ZSCAN5A: variants seen among roughly 807,000 people sequenced by gnomAD.
ZSCAN5A encodes the protein zinc finger and SCAN domain containing 5A.
In ZSCAN5A, 12 loss-of-function variants were observed where a neutral mutation model predicts 23.7. That is an observed-to-expected ratio of 0.51 (90% CI 0.32 to 0.82). The LOEUF (loss-of-function observed/expected upper bound fraction) is 0.82. Ranked by LOEUF, ZSCAN5A falls within the 40% of genes least tolerant of loss-of-function variation. ZSCAN5A has a pLI of 0.03. For missense variants in ZSCAN5A, 597 were observed against 617.9 expected (o/e 0.97, Z 0.36); for synonymous variants, 257 against 239.9 (o/e 1.07, Z -0.66).
intron 3 of ZSCAN5A, 195 bp downstream of exon 3, chr19:56,224,467 GC>G (rs2033689851): frequency 1.2e-6 from 1 of 804,988 alleles, no homozygotes; most frequent in African/African-American, 1.8e-5. Context: ...GTTAGAGAAC[GC>G]TTAGCAGCGT....
chr19:56,247,886 T>C (rs1030312271), intron 2 of ZSCAN5A, among the ~76,000 whole-genome samples: 1 of 151,858 alleles, frequency 6.6e-6, no homozygotes, highest in African/African-American at 2.4e-5. Flanking sequence ...AGAGACGTGG[T>C]TTCACCTGTT....
intron 2 of ZSCAN5A, 44 bp from the exon 3 acceptor site, chr19:56,225,217 C>T (rs1013158107): frequency 7.1e-7 from 1 of 1,404,420 alleles, no homozygotes; most frequent in African/African-American, 1.4e-5. Context: ...AGTTACTACT[C>T]CATCCATCCC....
intron 2 of ZSCAN5A, among the ~76,000 whole-genome samples, chr19:56,251,539 T>C (rs149408461): frequency 0.013 from 2,003 of 152,266 alleles, 41 homozygotes; most frequent in African/African-American, 0.043. Context: ...CTACCTTCAA[T>C]AGCCCACAGC....
intron 2 of ZSCAN5A, chr19:56,298,249 T>A (rs1027020760): frequency 4.6e-5 from 7 of 152,074 alleles, no homozygotes; most frequent in African/African-American, 1.7e-4. Context: ...AATAAGGTGA[T>A]CATTGGAGAA....
At chr19:56,327,443 T>C (rs1264643139) in intron 2 of ZSCAN5A, among the ~76,000 whole-genome samples, 1 of 150,620 alleles carries the variant, frequency 6.6e-6, no homozygotes, top group Non-Finnish European at 1.5e-5. Flanking sequence ...TATAAATATA[T>C]ATATTTATTA....
rs115662064 is a variant in ZSCAN5A, at chr19:56,271,434, A to G, written c.-128+41849T>C. Among the ~76,000 whole-genome samples the G allele has an allele frequency of 4.7e-3, 716 of 152,322 alleles. 8 individuals are homozygous for G. Among genetic ancestry groups the G allele is most frequent in the African/African-American group, 0.016 (676 of 41,570 alleles). On this transcript the variant is annotated intron_variant, in intron 2 of 5. Transcript: ENST00000683990. ...TAGCACCGGATGTGAAAAGCCTTCC[A>G]CATGTTTTACGCCTTGTTTCTTCTG...
intron 2 of ZSCAN5A, among the ~76,000 whole-genome samples, chr19:56,350,127 C>A (rs2041658645): frequency 6.6e-6 from 1 of 152,148 alleles, no homozygotes; most frequent in Admixed American, 6.5e-5. Context: ...GATTATCATC[C>A]TTATAACAGG....
intron 2 of ZSCAN5A, among the ~76,000 whole-genome samples, chr19:56,332,319 G>A (rs374859411): frequency 7.2e-5 from 11 of 152,050 alleles, no homozygotes; most frequent in African/African-American, 2.4e-4. Context: ...CTAGAACTAC[G>A]GCTTTATGAA....
intron 2 of ZSCAN5A, among the ~76,000 whole-genome samples, chr19:56,269,611 G>A (rs1440705178): frequency 6.6e-6 from 1 of 152,148 alleles, no homozygotes; most frequent in Non-Finnish European, 1.5e-5. Context: ...GGTAACAGAG[G>A]GAGACGGAAT....
At chr19:56,259,553 T>C (rs1372067156) in intron 2 of ZSCAN5A, among the ~76,000 whole-genome samples, 1 of 152,260 alleles carries the variant, frequency 6.6e-6, no homozygotes, top group Non-Finnish European at 1.5e-5. Flanking sequence ...TATGGAGGTA[T>C]GCTTGTGGCG....
intron 2 of ZSCAN5A, among the ~76,000 whole-genome samples, chr19:56,260,442 G>C (rs1003005111): frequency 2.0e-5 from 3 of 152,054 alleles, no homozygotes; most frequent in African/African-American, 7.2e-5. Flanking sequence ...TCGAACTCTC[G>C]ACCTCAGGTG....
At chr19:56,233,967 C>T (rs1293648405) in intron 2 of ZSCAN5A, among the ~76,000 whole-genome samples, 2 of 152,102 alleles carry the variant, frequency 1.3e-5, no homozygotes, top group African/African-American at 4.8e-5. Flanking sequence ...TCCCAGCACT[C>T]TGGAAGGCTG....
At chr19:56,342,638 GA>G in intron 2 of ZSCAN5A, 1 of 486,766 alleles carries the variant, frequency 2.1e-6, no homozygotes. Context: ...AAAAAATTTG[GA>G]AAAAGGGATC....
At chr19:56,256,706 A>C (rs1234108407) in intron 2 of ZSCAN5A, among the ~76,000 whole-genome samples, 1 of 152,226 alleles carries the variant, frequency 6.6e-6, no homozygotes, top group African/African-American at 2.4e-5. Context: ...GTGTGGAGAC[A>C]GATATAGGGG....
chr19:56,298,345 T>TA (rs1187669536), intron 2 of ZSCAN5A: 4 of 151,722 alleles, frequency 2.6e-5, no homozygotes, highest in Non-Finnish European at 5.9e-5. Context: ...TGAAATGATA[T>TA]AAAAAATCTG....
At chr19:56,330,228 C>A (rs2041477099) in intron 2 of ZSCAN5A, among the ~76,000 whole-genome samples, 1 of 152,206 alleles carries the variant, frequency 6.6e-6, no homozygotes, top group African/African-American at 2.4e-5. Flanking sequence ...TTTATCCAAT[C>A]CACTAATAAT....
intron 2 of ZSCAN5A, among the ~76,000 whole-genome samples, chr19:56,271,435 C>G (rs1194457959): frequency 2.6e-5 from 4 of 152,232 alleles, no homozygotes; most frequent in Non-Finnish European, 5.9e-5. Flanking sequence ...AAGCCTTCCA[C>G]ATGTTTTACG....
intron 2 of ZSCAN5A, among the ~76,000 whole-genome samples, chr19:56,304,388 G>A (rs1270951673): frequency 6.6e-6 from 1 of 152,238 alleles, no homozygotes; most frequent in African/African-American, 2.4e-5. Flanking sequence ...CTGGACCACA[G>A]GATTGGTTGT....
intron 2 of ZSCAN5A, among the ~76,000 whole-genome samples, chr19:56,360,285 C>T (rs905010674): frequency 1.2e-4 from 19 of 152,224 alleles, no homozygotes; most frequent in African/African-American, 4.6e-4. Flanking sequence ...CAAGAACAGA[C>T]AAGCAGCGAG....
Sources: allele counts gnomAD v4.1 joint callset (sites outside exome capture counted in the v4.1 genomes callset), GRCh38; gene constraint gnomAD v4.1.1; transcripts MANE v1.5; gene names NCBI Gene and HGNC (gene_info 2026-07-23, HGNC 2026-07-21).